The following ROR1 variants were observed in gnomAD, a reference collection of about 807,000 sequenced individuals.
ROR1 encodes the protein inactive tyrosine-protein kinase transmembrane receptor ROR1.
ROR1 carries 19 observed loss-of-function variants against 78.8 expected under a neutral mutation model. The ratio of observed to expected loss-of-function variants is 0.24; its 90% CI spans 0.17 to 0.35. The LOEUF (loss-of-function observed/expected upper bound fraction) is 0.35, where lower values mean the gene tolerates loss of function less well. ROR1 is among the 10% of genes least tolerant of loss of function. ROR1 has a pLI of 1.00. For missense variants in ROR1, 917 were observed against 1,177.8 expected (o/e 0.78, Z 3.24); for synonymous variants, 386 against 433.6 (o/e 0.89, Z 1.36).
In ROR1 at chr1:63,963,639, T is replaced by C. The variant is rs77190500; in HGVS notation, c.92-45666T>C. On this transcript the variant is annotated intron_variant, in intron 1 of 8. Transcript: ENST00000371079. ...GAAGAAAAAAAAGAATTCTGATTTG[T>C]AGATGAGTACTTTGCTTTCCAGTGT... 6.9e-3 allele frequency among the ~76,000 whole-genome samples: 1,045 copies of C among 151,848 alleles called. 12 individuals carry two copies. The highest frequency in any genetic ancestry group is 0.024 in the African/African-American group (987 of 41,418).
intron 4 of ROR1, among the ~76,000 whole-genome samples, chr1:64,090,858 G>A (rs916476984): frequency 6.6e-6 from 1 of 152,086 alleles, no homozygotes; most frequent in Non-Finnish European, 1.5e-5. Flanking sequence ...TCAGAGCTTA[G>A]AGAACTCAGT....
intron 1 of ROR1, among the ~76,000 whole-genome samples, chr1:63,858,940 T>G (rs547514665): frequency 1.3e-5 from 2 of 152,328 alleles, no homozygotes; most frequent in South Asian, 4.1e-4. Context: ...AGTTACTGAT[T>G]TAAATGTGTT....
chr1:63,849,903 T>C (rs1645103145), intron 1 of ROR1, among the ~76,000 whole-genome samples: 1 of 152,372 alleles, frequency 6.6e-6, no homozygotes, highest in East Asian at 1.9e-4. Context: ...ATTTTTTATT[T>C]GTTTCAGATT....
intron 4 of ROR1, 46 bp from the exon 5 acceptor site, chr1:64,137,323 T>C (rs1247283482): frequency 6.2e-7 from 1 of 1,609,890 alleles, no homozygotes; most frequent in East Asian, 2.2e-5. Context: ...CTGTGCCCTG[T>C]ATGTATGTGG....
chr1:63,880,074 A>G (rs1008496631), intron 1 of ROR1, among the ~76,000 whole-genome samples: 5 of 152,154 alleles, frequency 3.3e-5, no homozygotes, highest in Non-Finnish European at 2.9e-5. Flanking sequence ...GCTGGATGAC[A>G]TAAGAAATTG....
At chr1:63,859,570 G>A (rs939689703) in intron 1 of ROR1, among the ~76,000 whole-genome samples, 57 of 152,242 alleles carry the variant, frequency 3.7e-4, no homozygotes, top group African/African-American at 1.3e-3. Context: ...TCCAGATCTG[G>A]GATACAGACA....
chr1:63,780,415 G>A (rs551581258), intron 1 of ROR1, among the ~76,000 whole-genome samples: 2 of 152,178 alleles, frequency 1.3e-5, no homozygotes, highest in South Asian at 2.1e-4. Flanking sequence ...TCTGTAAAAT[G>A]GGAATAACAA....
intron 2 of ROR1, among the ~76,000 whole-genome samples, chr1:64,013,419 A>G (rs1557608912): frequency 6.6e-6 from 1 of 151,946 alleles, no homozygotes; most frequent in Non-Finnish European, 1.5e-5. Flanking sequence ...CTGTCCCCAT[A>G]CTCAATATTC....
At chr1:63,892,607 C>T (rs1557547558) in intron 1 of ROR1, among the ~76,000 whole-genome samples, 1 of 152,152 alleles carries the variant, frequency 6.6e-6, no homozygotes, top group Admixed American at 6.5e-5. Flanking sequence ...TGATTAGCCA[C>T]TGAGGACTGA....
intron 1 of ROR1, among the ~76,000 whole-genome samples, chr1:63,995,843 T>C (rs1437708025): frequency 6.6e-6 from 1 of 152,196 alleles, no homozygotes; most frequent in African/African-American, 2.4e-5. Context: ...GGTTCTCTGA[T>C]CTGGACTGAG....
chr1:63,975,729 A>G (rs1271630946), intron 1 of ROR1, among the ~76,000 whole-genome samples: 1 of 152,154 alleles, frequency 6.6e-6, no homozygotes, highest in Non-Finnish European at 1.5e-5. Flanking sequence ...GGTTTATGCT[A>G]TACAATCTGC....
chr1:63,908,391 A>G (rs1645544360), intron 1 of ROR1, among the ~76,000 whole-genome samples: 1 of 152,158 alleles, frequency 6.6e-6, no homozygotes. Flanking sequence ...ATCTTTTTAT[A>G]TGAGGGCCTA....
intron 1 of ROR1, among the ~76,000 whole-genome samples, chr1:63,918,547 G>C (rs1017169718): frequency 1.3e-5 from 2 of 152,202 alleles, no homozygotes; most frequent in African/African-American, 4.8e-5. Context: ...AACAAGGCAA[G>C]CTCTGTGCTC....
intron 1 of ROR1, among the ~76,000 whole-genome samples, chr1:63,864,454 C>T (rs957885257): frequency 3.3e-5 from 5 of 152,158 alleles, no homozygotes; most frequent in Admixed American, 2.0e-4. Flanking sequence ...TCAGGTGACT[C>T]ATGAACCCTT....
intron 4 of ROR1, among the ~76,000 whole-genome samples, chr1:64,117,318 G>A (rs1037242525): frequency 6.6e-6 from 1 of 152,108 alleles, no homozygotes; most frequent in Non-Finnish European, 1.5e-5. Context: ...GCATGATTTT[G>A]AGGATCAAAT....
intron 1 of ROR1, among the ~76,000 whole-genome samples, chr1:63,886,505 A>G (rs749337718): frequency 5.3e-5 from 8 of 152,134 alleles, no homozygotes; most frequent in African/African-American, 1.2e-4. Context: ...CCGGTAATTT[A>G]TAATTCTGCT....
chr1:64,112,979 G>A (rs1226761324), intron 4 of ROR1, among the ~76,000 whole-genome samples: 2 of 152,278 alleles, frequency 1.3e-5, no homozygotes, highest in East Asian at 1.9e-4. Flanking sequence ...TAATAAGCAT[G>A]TGATAAATTG....
At chr1:63,959,548 G>A (rs999708194) in intron 1 of ROR1, among the ~76,000 whole-genome samples, 1 of 152,120 alleles carries the variant, frequency 6.6e-6, no homozygotes, top group Non-Finnish European at 1.5e-5. Flanking sequence ...TAAGGATCTT[G>A]CCTCCTGAAT....
intron 2 of ROR1, among the ~76,000 whole-genome samples, chr1:64,029,835 A>T (rs572651188): frequency 6.6e-6 from 1 of 152,208 alleles, no homozygotes. Context: ...AGTTCAGTCC[A>T]TTGTACCTTT....
Sources: gnomAD v4.1 joint callset for allele counts (sites outside exome capture counted in the v4.1 genomes callset) on GRCh38, gnomAD v4.1.1 for gene constraint, MANE v1.5 for transcripts, NCBI Gene and HGNC (gene_info 2026-07-23, HGNC 2026-07-21) for gene names.